MAGI2: variants seen among roughly 807,000 people sequenced by gnomAD.
MAGI2 encodes membrane-associated guanylate kinase, WW and PDZ domain-containing protein 2.
In MAGI2, 35 loss-of-function variants were observed where a neutral mutation model predicts 133.3. That is an observed-to-expected ratio of 0.26 (90% CI 0.20 to 0.35). The LOEUF is 0.35. Ranked by LOEUF, MAGI2 falls within the 10% of genes least tolerant of loss-of-function variation. MAGI2 has a pLI of 1.00. For synonymous variants in MAGI2, 729 were observed against 710.6 expected (o/e 1.03, Z -0.41); for missense variants, 1,636 against 1,863.4 (o/e 0.88, Z 2.25).
At chr7:79,252,954 GATA>G (rs1430733933) in intron 1 of MAGI2, among the ~76,000 whole-genome samples, 3 of 152,096 alleles carry the variant, frequency 2.0e-5, no homozygotes, top group Non-Finnish European at 1.5e-5. Context: ...TTGCATAAAT[GATA>G]ATGTTTGTCA....
At chr7:79,052,684 A>C (rs1329177407) in intron 1 of MAGI2, among the ~76,000 whole-genome samples, 1 of 152,194 alleles carries the variant, frequency 6.6e-6, no homozygotes, top group Admixed American at 6.5e-5. Context: ...AAATAATAAA[A>C]GAATTTAAAT....
chr7:79,015,443 A>G (rs1808603433), intron 1 of MAGI2, among the ~76,000 whole-genome samples: 1 of 152,218 alleles, frequency 6.6e-6, no homozygotes, highest in East Asian at 1.9e-4. Context: ...CACGACACAG[A>G]ACACCTTGCC....
intron 7 of MAGI2, among the ~76,000 whole-genome samples, chr7:78,363,433 T>C (rs1247551181): frequency 2.0e-5 from 3 of 151,776 alleles, no homozygotes; most frequent in African/African-American, 7.3e-5. Context: ...GCGGAGCCTG[T>C]GGTGAGCTGA....
intron 1 of MAGI2, among the ~76,000 whole-genome samples, chr7:79,237,637 A>G (rs1832043524): frequency 6.6e-6 from 1 of 152,072 alleles, no homozygotes; most frequent in African/African-American, 2.4e-5. Context: ...TCATGCCAAC[A>G]CTCACAGTTG....
At chr7:78,852,982 C>A (rs1793272764) in intron 2 of MAGI2, among the ~76,000 whole-genome samples, 1 of 152,056 alleles carries the variant, frequency 6.6e-6, no homozygotes, top group Non-Finnish European at 1.5e-5. Context: ...ATTAGCTATT[C>A]AGTTTTCTGA....
intron 2 of MAGI2, among the ~76,000 whole-genome samples, chr7:78,834,416 C>A (rs923582439): frequency 2.0e-5 from 3 of 152,160 alleles, no homozygotes. Context: ...TATAGAGCTA[C>A]CTTTCCTATA....
At chr7:79,414,627 A>G (rs888496789) in intron 1 of MAGI2, 2 of 152,182 alleles carry the variant, frequency 1.3e-5, no homozygotes, top group African/African-American at 4.8e-5. Flanking sequence ...TTGGTGCCTT[A>G]TCATTAAGTA....
chr7:78,032,269 C>A (rs1809668783), intron 21 of MAGI2, among the ~76,000 whole-genome samples: 1 of 152,152 alleles, frequency 6.6e-6, no homozygotes, highest in Admixed American at 6.5e-5. Context: ...GGCTGCAGTG[C>A]AGTGGCACAA....
chr7:78,054,700 C>T (rs1241515939), intron 21 of MAGI2, among the ~76,000 whole-genome samples: 1 of 151,662 alleles, frequency 6.6e-6, no homozygotes, highest in Admixed American at 6.6e-5. Context: ...CTCTCTGTCA[C>T]CCAGGCTGGA....
chr7:79,265,562 A>G (rs924574593), intron 1 of MAGI2, among the ~76,000 whole-genome samples: 6 of 152,138 alleles, frequency 3.9e-5, no homozygotes, highest in Non-Finnish European at 7.4e-5. Context: ...TTGATAGTGT[A>G]CGTGCTTATA....
intron 6 of MAGI2, among the ~76,000 whole-genome samples, chr7:78,435,751 C>T (rs1342073597): frequency 6.6e-6 from 1 of 152,088 alleles, no homozygotes; most frequent in African/African-American, 2.4e-5. Flanking sequence ...GGTACATTTG[C>T]CTCAACCAGC....
chr7:78,479,246 TC>T (rs1792104526), intron 6 of MAGI2, among the ~76,000 whole-genome samples: 1 of 151,978 alleles, frequency 6.6e-6, no homozygotes, highest in Admixed American at 6.6e-5. Flanking sequence ...CTGTTTGGGT[TC>T]CTTAAATAGT....
intron 1 of MAGI2, among the ~76,000 whole-genome samples, chr7:79,420,906 C>T (rs1846908770): frequency 6.6e-6 from 1 of 151,900 alleles, no homozygotes; most frequent in Non-Finnish European, 1.5e-5. Flanking sequence ...AAACTCAATG[C>T]CATGACTTCA....
At chr7:78,065,575 G>A (rs1416677168) in intron 21 of MAGI2, 3 of 684,248 alleles carry the variant, frequency 4.4e-6, no homozygotes, top group Non-Finnish European at 5.3e-6. Context: ...TTTACAAACC[G>A]TGTCTTTAGG....
intron 6 of MAGI2, among the ~76,000 whole-genome samples, chr7:78,444,202 C>G (rs1787900202): frequency 6.6e-6 from 1 of 152,078 alleles, no homozygotes; most frequent in South Asian, 2.1e-4. Flanking sequence ...ATTTAGTAAT[C>G]ATAAACAACT....
intron 1 of MAGI2, among the ~76,000 whole-genome samples, chr7:79,444,043 A>G (rs1335403883): frequency 6.6e-6 from 1 of 152,204 alleles, no homozygotes; most frequent in Non-Finnish European, 1.5e-5. Context: ...CAGCATATAA[A>G]CAGAACCAAC....
intron 1 of MAGI2, among the ~76,000 whole-genome samples, chr7:79,239,932 T>A (rs944577751): frequency 2.0e-5 from 3 of 152,206 alleles, no homozygotes; most frequent in African/African-American, 7.2e-5. Context: ...TCCTGCCTTC[T>A]GACAACATCT....
chr7:78,486,852 G>A, intron 6 of MAGI2: 1 of 492,304 alleles, frequency 2.0e-6, no homozygotes. Context: ...AGACAGCAAA[G>A]ATGTACAGAG....
chr7:79,181,747 G>T (rs1826641506), intron 1 of MAGI2, among the ~76,000 whole-genome samples: 1 of 151,924 alleles, frequency 6.6e-6, no homozygotes, highest in South Asian at 2.1e-4. Flanking sequence ...CAAACTTTAT[G>T]TCCTGTTTCT....
Sources: gnomAD v4.1 joint callset for allele counts (sites outside exome capture counted in the v4.1 genomes callset) on GRCh38, gnomAD v4.1.1 for gene constraint, MANE v1.5 for transcripts, NCBI Gene and HGNC (gene_info 2026-07-23, HGNC 2026-07-21) for gene names.